Variants in CERT1 observed in about 807,000 individuals in gnomAD.
The protein encoded by CERT1 is ceramide transporter 1, also known as ceramide transfer protein.
Under a neutral mutation model 87.9 loss-of-function variants are expected in CERT1, and 31 were observed. The ratio of observed to expected loss-of-function variants is 0.35; its 90% CI spans 0.27 to 0.48. The LOEUF is 0.48. Among genes scored for constraint, CERT1 ranks in the 20% least tolerant of loss-of-function variants. The pLI is 0.99. For missense variants in CERT1, 487 were observed against 758.0 expected (o/e 0.64, Z 4.20); for synonymous variants, 289 against 250.9 (o/e 1.15, Z -1.44).
In CERT1 at chr5:75,407,563, AAAC is replaced by A. The variant is rs202214199; in HGVS notation, c.930+3445_930+3447del. 7.2e-3 allele frequency among the ~76,000 whole-genome samples: 1,094 copies of A among 152,148 alleles called. 10 individuals are homozygous for A. The highest frequency in any genetic ancestry group is 0.024 in the African/African-American group (1,012 of 41,538). Reference sequence around the variant, plus strand: ...AAACAAACAAAAAAAACGAATAAGAAAACAACCAAAGGACATGGCCAAGTTAAT... The same window carrying A: ...AAACAAACAAAAAAAACGAATAAGAAAACCAAAGGACATGGCCAAGTTAAT... On this transcript the variant is annotated intron_variant, in intron 8 of 16. Coordinates refer to ENST00000643780, the MANE Select transcript of CERT1 (RefSeq NM_001379029.1).
At chr5:75,373,672 C>G (rs954044355), downstream of CERT1, 1 of 156,562 alleles carries the variant, frequency 6.4e-6, no homozygotes, top group Non-Finnish European at 1.4e-5. Flanking sequence ...TATGATTATA[C>G]AAAGCAAAAA....
chr5:75,444,674 G>C (rs781717004), intron 3 of CERT1, among the ~76,000 whole-genome samples: 5 of 150,624 alleles, frequency 3.3e-5, no homozygotes, highest in Admixed American at 6.7e-5. Context: ...AGCCTCCCAA[G>C]TAGCTGGGAC....
intron 2 of CERT1, 41 bp downstream of exon 2, chr5:75,505,941 C>T: frequency 6.5e-7 from 1 of 1,527,700 alleles, no homozygotes; most frequent in Non-Finnish European, 9.1e-7. Context: ...GTAGCTGACA[C>T]TCAATAAATA....
intron 2 of CERT1, among the ~76,000 whole-genome samples, chr5:75,471,385 T>A (rs1216213062): frequency 6.6e-6 from 1 of 152,194 alleles, no homozygotes; most frequent in Non-Finnish European, 1.5e-5. Flanking sequence ...TGCATTAAGC[T>A]GTGGTCTTAT....
At chr5:75,417,796 T>A (rs1763202269) in intron 6 of CERT1, among the ~76,000 whole-genome samples, 1 of 152,112 alleles carries the variant, frequency 6.6e-6, no homozygotes. Flanking sequence ...TGGGAGAAAA[T>A]CTTGTGTGGC....
chr5:75,382,721 G>T (rs1761636507), intron 14 of CERT1, among the ~76,000 whole-genome samples: 1 of 151,272 alleles, frequency 6.6e-6, no homozygotes, highest in Non-Finnish European at 1.5e-5. Context: ...ATATGTATCT[G>T]GACTAGTCCT....
chr5:75,412,450 T>C (rs577286044), intron 7 of CERT1, among the ~76,000 whole-genome samples: 19 of 152,370 alleles, frequency 1.2e-4, no homozygotes, highest in African/African-American at 4.6e-4. Flanking sequence ...CAGATTATGC[T>C]TGTGATCTAA....
intron 2 of CERT1, among the ~76,000 whole-genome samples, chr5:75,498,178 A>C (rs901127287): frequency 7.2e-5 from 11 of 152,218 alleles, no homozygotes; most frequent in African/African-American, 2.7e-4. Flanking sequence ...AGAAATTTCT[A>C]GGTGGCAAAG....
intron 14 of CERT1, among the ~76,000 whole-genome samples, chr5:75,383,320 GTTTTA>G (rs1761662098): frequency 6.6e-6 from 1 of 151,952 alleles, no homozygotes; most frequent in Non-Finnish European, 1.5e-5. Flanking sequence ...ATAATTTTTA[GTTTTA>G]TTTTTCAATC....
chr5:75,473,440 C>A (rs1250776328), intron 2 of CERT1, among the ~76,000 whole-genome samples: 1 of 151,900 alleles, frequency 6.6e-6, no homozygotes. Context: ...ATGAATGAAT[C>A]TGGAGGGCAT....
intron 3 of CERT1, among the ~76,000 whole-genome samples, chr5:75,450,103 C>T (rs1764715169): frequency 6.6e-6 from 1 of 152,132 alleles, no homozygotes; most frequent in African/African-American, 2.4e-5. Flanking sequence ...AAATCACTGA[C>T]CTTTCTTCTC....
At chr5:75,441,495 C>T (rs1764320438) in intron 3 of CERT1, among the ~76,000 whole-genome samples, 1 of 152,096 alleles carries the variant, frequency 6.6e-6, no homozygotes, top group South Asian at 2.1e-4. Context: ...GTAAGTATAT[C>T]CACTTTATTA....
At chr5:75,477,662 A>AC (rs1489505755) in intron 2 of CERT1, among the ~76,000 whole-genome samples, 3 of 150,340 alleles carry the variant, frequency 2.0e-5, no homozygotes, top group Admixed American at 1.3e-4. Flanking sequence ...AAAAAAAAAA[A>AC]AAAAAAACAA....
At chr5:75,393,317 G>C (rs1432804602) in intron 11 of CERT1, among the ~76,000 whole-genome samples, 2 of 151,758 alleles carry the variant, frequency 1.3e-5, no homozygotes. Flanking sequence ...ACAAAATGGA[G>C]ATAAAATACA....
chr5:75,399,531 T>C (rs1580716652), intron 10 of CERT1, 144 bp from the exon 11 acceptor site: 2 of 660,720 alleles, frequency 3.0e-6, no homozygotes, highest in Non-Finnish European at 5.5e-6. Flanking sequence ...GCTGACTTCA[T>C]GCACCTATTA....
chr5:75,478,230 C>T (rs1766062475), intron 2 of CERT1, among the ~76,000 whole-genome samples: 1 of 151,974 alleles, frequency 6.6e-6, no homozygotes, highest in Non-Finnish European at 1.5e-5. Context: ...AGGAGAATTG[C>T]TTGAACCCTT....
intron 14 of CERT1, 120 bp downstream of exon 14, chr5:75,384,522 T>G: frequency 4.7e-6 from 3 of 632,576 alleles, no homozygotes. Context: ...AATCATTATT[T>G]AATAAAGTCT....
intron 9 of CERT1, 173 bp downstream of exon 9, chr5:75,402,799 C>CAA (rs77625109): frequency 4.5e-3 from 1,502 of 331,460 alleles, no homozygotes; most frequent in Non-Finnish European, 5.3e-3. Context: ...GACTCTGTCT[C>CAA]AAAAAAAAAA....
chr5:75,472,002 A>T (rs900739631), intron 2 of CERT1, among the ~76,000 whole-genome samples: 3 of 152,220 alleles, frequency 2.0e-5, no homozygotes, highest in South Asian at 2.1e-4. Flanking sequence ...GCTGGAGAGG[A>T]TCACACTACC....
Sources: gnomAD v4.1 joint callset for allele counts (sites outside exome capture counted in the v4.1 genomes callset) on GRCh38, gnomAD v4.1.1 for gene constraint, MANE v1.5 for transcripts, NCBI Gene and HGNC (gene_info 2026-07-23, HGNC 2026-07-21) for gene names.